ANKS1A: variants seen among roughly 807,000 people sequenced by gnomAD.
ANKS1A encodes ankyrin repeat and sterile alpha motif domain containing 1A.
In ANKS1A, 55 loss-of-function variants were observed where a neutral mutation model predicts 120.3. That is an observed-to-expected ratio of 0.46 (90% confidence interval 0.37 to 0.57). ANKS1A has a LOEUF of 0.57. Ranked by LOEUF, ANKS1A falls within the 20% of genes least tolerant of loss-of-function variation. The pLI, the probability that ANKS1A is intolerant of heterozygous loss-of-function variation, is 0.00. For missense variants in ANKS1A, 1,123 were observed against 1,480.3 expected, an observed-to-expected ratio of 0.76 and a Z score of 3.96; for synonymous variants, 590 against 604.7, an observed-to-expected ratio of 0.98 and a Z score of 0.36.
At chr6:35,062,261 G>A (rs1164277913) in intron 13 of ANKS1A, among the ~76,000 whole-genome samples, 2 of 152,214 alleles carry the variant, frequency 1.3e-5, no homozygotes, top group Non-Finnish European at 2.9e-5. Flanking sequence ...AGCACCCCTC[G>A]GGTGAGCCGG....
At chr6:34,947,290 G>T (rs955355905) in intron 1 of ANKS1A, among the ~76,000 whole-genome samples, 2 of 151,802 alleles carry the variant, frequency 1.3e-5, no homozygotes. Flanking sequence ...GGGACTACAG[G>T]CGCCCGCCAC....
intron 1 of ANKS1A, among the ~76,000 whole-genome samples, chr6:34,937,326 T>TA (rs978090251): frequency 4.9e-4 from 75 of 151,638 alleles, no homozygotes; most frequent in African/African-American, 1.6e-3. Flanking sequence ...TATATATATA[T>TA]TTTTTTAAAA....
intron 1 of ANKS1A, among the ~76,000 whole-genome samples, chr6:34,907,029 T>C (rs1767679182): frequency 6.6e-6 from 1 of 152,222 alleles, no homozygotes; most frequent in South Asian, 2.1e-4. Context: ...AAGGACACTT[T>C]GCCTCTTGTG....
chr6:34,992,047 T>A (rs1772604823), intron 9 of ANKS1A, among the ~76,000 whole-genome samples: 1 of 152,016 alleles, frequency 6.6e-6, no homozygotes, highest in African/African-American at 2.4e-5. Flanking sequence ...CAAGAAGAAA[T>A]GATCACTCTA....
rs775787406 is a variant in ANKS1A at position 34,983,326 on chromosome 6, C to T, written c.913C>T (p.His305Tyr). Reference sequence around the variant, plus strand: ...TATTTTTTGATCTTTCCATGTAGATCACATGACTGGAAAAAGAAGTACAAA... The same window carrying T: ...TATTTTTTGATCTTTCCATGTAGATTACATGACTGGAAAAAGAAGTACAAA... ...SQQIAALIED[H>Y]MTGKRSTKEV... The change falls in exon 7 of 24, where the codon CAC (histidine) becomes TAC (tyrosine). Residue 305 changes from histidine to tyrosine, a missense_variant and splice_region_variant. This residue lies in a region of ANKS1A where 904 missense variants were observed against 1,130.4 expected (regional missense o/e 0.80). Transcript: ENST00000360359. The T allele has an allele frequency of 3.7e-5, 59 of 1,613,744 alleles. No homozygotes were observed. The Admixed American group carries it at 9.5e-4, about 26-fold the overall frequency.
intron 11 of ANKS1A, among the ~76,000 whole-genome samples, chr6:35,025,007 C>T (rs747333265): frequency 6.6e-6 from 1 of 152,066 alleles, no homozygotes; most frequent in Admixed American, 6.5e-5. Flanking sequence ...ACACTCCTAC[C>T]TCTGGGGAAA....
intron 1 of ANKS1A, among the ~76,000 whole-genome samples, chr6:34,899,461 A>C (rs1310295979): frequency 1.3e-5 from 2 of 152,200 alleles, no homozygotes; most frequent in African/African-American, 4.8e-5. Flanking sequence ...AGCCTGGGCA[A>C]CATAGTGAGA....
downstream of ANKS1A, among the ~76,000 whole-genome samples, chr6:35,095,364 A>G (rs1581779074): frequency 6.6e-6 from 1 of 151,536 alleles, no homozygotes; most frequent in Admixed American, 6.6e-5. Context: ...CGTGAGGCCA[A>G]GAGTTCGAGA....
chr6:34,917,048 A>G (rs1044626621), intron 1 of ANKS1A, among the ~76,000 whole-genome samples: 18 of 152,202 alleles, frequency 1.2e-4, no homozygotes, highest in African/African-American at 3.6e-4. Context: ...TAGACACACA[A>G]GTCCTGGGCA....
intron 1 of ANKS1A, among the ~76,000 whole-genome samples, chr6:34,929,524 G>A (rs944557621): frequency 6.6e-6 from 1 of 152,100 alleles, no homozygotes; most frequent in African/African-American, 2.4e-5. Flanking sequence ...TATTCTAGTG[G>A]TGCAGTTTTG....
chr6:34,916,918 G>A (rs914370924), intron 1 of ANKS1A, among the ~76,000 whole-genome samples: 2 of 152,146 alleles, frequency 1.3e-5, no homozygotes, highest in African/African-American at 2.4e-5. Context: ...TCTTTAAGGC[G>A]GCAGCAATGT....
chr6:35,094,040 A>G (rs1309771779), downstream of ANKS1A, among the ~76,000 whole-genome samples: 3 of 152,216 alleles, frequency 2.0e-5, no homozygotes, highest in Non-Finnish European at 4.4e-5. Context: ...CCCAGCAGTA[A>G]CAAGCAGCCT....
chr6:35,046,216 A>G (rs940721762), intron 11 of ANKS1A, among the ~76,000 whole-genome samples: 2 of 152,152 alleles, frequency 1.3e-5, no homozygotes, highest in Non-Finnish European at 2.9e-5. Flanking sequence ...CAGACTGTCA[A>G]GTCTGGGGTT....
intron 12 of ANKS1A, among the ~76,000 whole-genome samples, chr6:35,056,348 C>T (rs562850699): frequency 1.6e-4 from 24 of 152,136 alleles, no homozygotes; most frequent in Admixed American, 2.6e-4. Flanking sequence ...GAGTGCAGCG[C>T]GGTGATCTCC....
intron 11 of ANKS1A, among the ~76,000 whole-genome samples, chr6:35,029,375 G>T: frequency 4.0e-5 from 5 of 124,636 alleles, no homozygotes; most frequent in Non-Finnish European, 6.4e-5. Flanking sequence ...TTTTGAGACA[G>T]TCTTGCTCTG....
chr6:35,022,996 G>A (rs1046284110), intron 11 of ANKS1A, among the ~76,000 whole-genome samples: 1 of 152,104 alleles, frequency 6.6e-6, no homozygotes, highest in Non-Finnish European at 1.5e-5. Context: ...TACTGCACAG[G>A]GCATTTTCCA....
chr6:35,032,889 C>T (rs1015789800), intron 11 of ANKS1A, among the ~76,000 whole-genome samples: 1 of 152,168 alleles, frequency 6.6e-6, no homozygotes, highest in Admixed American at 6.5e-5. Context: ...ATGACTTTCT[C>T]ACTTAATAAA....
intron 10 of ANKS1A, among the ~76,000 whole-genome samples, chr6:35,014,734 A>G (rs1428138308): frequency 1.7e-4 from 26 of 152,240 alleles, no homozygotes; most frequent in Admixed American, 1.4e-3. Flanking sequence ...ACAAAGCAGT[A>G]GAAGCCTGTG....
At chr6:35,021,177 C>G (rs1429073376) in intron 11 of ANKS1A, among the ~76,000 whole-genome samples, 2 of 152,272 alleles carry the variant, frequency 1.3e-5, no homozygotes, top group African/African-American at 2.4e-5. Context: ...GCTCCCCACC[C>G]TATCCCTGAC....
Sources: allele counts gnomAD v4.1 joint callset (sites outside exome capture counted in the v4.1 genomes callset), GRCh38; gene constraint gnomAD v4.1.1; regional missense constraint gnomAD v4.1.1; transcripts MANE v1.5; gene names NCBI Gene and HGNC (gene_info 2026-07-23, HGNC 2026-07-21).